Variants in PSME4 observed in about 807,000 individuals in gnomAD.
PSME4 encodes the protein proteasome activator subunit 4, also known as proteasome activator complex subunit 4.
PSME4 carries 89 observed loss-of-function variants against 253.9 expected under a neutral mutation model. That is an observed-to-expected ratio of 0.35 (90% CI 0.30 to 0.42). The LOEUF (loss-of-function observed/expected upper bound fraction) is 0.42. PSME4 is among the 10% of genes least tolerant of loss of function. The pLI, the probability that PSME4 is intolerant of heterozygous loss-of-function variation, is 1.00. For missense variants in PSME4, 2,014 were observed against 2,195.2 expected, an observed-to-expected ratio of 0.92 and a Z score of 1.65; for synonymous variants, 851 against 759.2, an observed-to-expected ratio of 1.12 and a Z score of -1.99.
chr2:53,958,213 G>A (rs868523461), intron 1 of PSME4, among the ~76,000 whole-genome samples: 11 of 150,876 alleles, frequency 7.3e-5, no homozygotes, highest in South Asian at 2.1e-4. Flanking sequence ...AAAATTAGCC[G>A]GGCATGGTGG....
chr2:53,962,519 T>C (rs1670536027), intron 1 of PSME4, among the ~76,000 whole-genome samples: 2 of 152,208 alleles, frequency 1.3e-5, no homozygotes, highest in African/African-American at 4.8e-5. Context: ...TTAAGTGACA[T>C]TCAGATCTCA....
chr2:53,963,697 T>G (rs1365638156), intron 1 of PSME4, among the ~76,000 whole-genome samples: 1 of 152,138 alleles, frequency 6.6e-6, no homozygotes, highest in Non-Finnish European at 1.5e-5. Context: ...CAGTAAACCT[T>G]AGGCAAAAAA....
rs146302334 is a variant in PSME4 at position 53,947,290 on chromosome 2, A to G, written c.500+1131T>C. ...ATAGATTAAATGAATTTAACAAGAC[A>G]TAATGAAATAATGTAGACATGCCTA... On this transcript the variant is annotated intron_variant, in intron 3 of 46. Coordinates refer to ENST00000404125, the MANE Select transcript of PSME4 (RefSeq NM_014614.3). 7.2e-4 allele frequency among the ~76,000 whole-genome samples: 110 copies of G among 152,386 alleles called. No homozygotes were observed. The East Asian group carries it at 0.02, about 28-fold the overall frequency.
chr2:53,914,363 A>C (rs1203879830), intron 20 of PSME4, among the ~76,000 whole-genome samples: 1 of 152,234 alleles, frequency 6.6e-6, no homozygotes, highest in East Asian at 1.9e-4. Flanking sequence ...TAGAATTATG[A>C]GTATAAACTA....
intron 3 of PSME4, among the ~76,000 whole-genome samples, chr2:53,942,784 T>C (rs1033402661): frequency 6.6e-6 from 1 of 152,174 alleles, no homozygotes; most frequent in African/African-American, 2.4e-5. Flanking sequence ...TCTGAGTAGC[T>C]ACTAATTTAT....
chr2:53,939,984 G>A lies in PSME4; in HGVS notation c.517C>T (p.Leu173Phe). The change falls in exon 4 of 47, where the codon CTC becomes TTC. Residue 173 changes from leucine to phenylalanine, a missense_variant. Leu to Phe is a conservative substitution (Grantham distance 22). Coordinates refer to ENST00000404125, the MANE Select transcript of PSME4 (RefSeq NM_014614.3). ...CGGCAGCTTTTCACGAGTGTTTTGAGAATATTTTCTACAGAACTGGGGGGG... is the reference window on the plus strand; with the variant it reads ...CGGCAGCTTTTCACGAGTGTTTTGAAAATATTTTCTACAGAACTGGGGGGG... ...NWFPNSVENILKTLVKSCRPY... is the reference protein window; with the variant it reads ...NWFPNSVENIFKTLVKSCRPY... 3 of 1,592,306 alleles carry A rather than the reference G, an allele frequency of 1.9e-6. No homozygotes were observed. Among genetic ancestry groups the A allele is most frequent in the Non-Finnish European group, 2.6e-6 (3 of 1,164,040 alleles).
chr2:53,939,707 C>A (rs1417112129), intron 4 of PSME4, among the ~76,000 whole-genome samples: 1 of 152,114 alleles, frequency 6.6e-6, no homozygotes, highest in Non-Finnish European at 1.5e-5. Flanking sequence ...GGAAATGCTT[C>A]CAAATAAAGA....
At chr2:53,880,274 C>T (rs560601711) in intron 41 of PSME4, among the ~76,000 whole-genome samples, 3 of 152,142 alleles carry the variant, frequency 2.0e-5, no homozygotes, top group South Asian at 2.1e-4. Flanking sequence ...TGGGCCACTA[C>T]AAGTGAGACC....
In PSME4 at chr2:53,927,427, T is replaced by C; in HGVS notation, c.1560A>G (p.Ser520=). Residue 520 remains serine, a synonymous_variant, in exon 12 of 47, where the codon TCA becomes TCG. Coordinates refer to ENST00000404125, the MANE Select transcript of PSME4 (RefSeq NM_014614.3). ...FSTLVPLVDC[S]SVLQERNDLT... ...GGTCATTTCTTTCTTGTAGTACAGA[T>C]GAACAATCTACTAAAGGCACCAGAG... The C allele has an allele frequency of 6.3e-7, 1 of 1,594,354 alleles. No homozygotes were observed. The highest frequency in any genetic ancestry group is 8.6e-7 in the Non-Finnish European group (1 of 1,162,070).
Position 53,908,437 on chromosome 2 carries a change from A to C in PSME4, c.2686-19T>G, listed in dbSNP as rs775766154. The C allele has an allele frequency of 6.2e-7, 1 of 1,612,682 alleles. No homozygotes were observed. The highest frequency in any genetic ancestry group is 1.1e-5 in the South Asian group (1 of 90,822). ...CAATAATCTGTGTCAAAGAATTTCA[A>C]ATTGTATTTGCAAGTCATCAATCCA... On this transcript the variant is annotated intron_variant, in intron 23 of 46. Transcript: ENST00000404125.
At position 53,919,250 on chromosome 2, in the gene PSME4, G is replaced by GAAAA; in HGVS notation, c.2421-8_2421-5dup. The GAAAA allele has an allele frequency of 1.6e-6, 2 of 1,222,476 alleles. No individual in the cohort carries two copies. Among genetic ancestry groups the GAAAA allele is most frequent in the Admixed American group, 2.8e-5 (1 of 35,170 alleles). 75.7% of individuals were successfully genotyped at this position (1,222,476 alleles called of 1,614,324 possible). On this transcript the variant is annotated splice_polypyrimidine_tract_variant and splice_region_variant and intron_variant, in intron 19 of 46. Coordinates refer to ENST00000404125, the MANE Select transcript of PSME4 (RefSeq NM_014614.3). Reference sequence around the variant, plus strand: ...CAGACTCTGTAGAATATCATCTCTAGAAAAAAAAAAAAGACATTTTCATAT... The same window carrying GAAAA: ...CAGACTCTGTAGAATATCATCTCTAGAAAAAAAAAAAAAAAAGACATTTTCATAT...
chr2:53,866,209 T>A lies in PSME4; in HGVS notation c.5412A>T (p.Lys1804Asn). ...GAGTCCTTCGGAAATTGGATAAGGT[T>A]TTTTTTACAGTCATCTGTAAAGTAG... ...DPQPIEMTVK[K>N]TLSNFRRTHH... Residue 1804 changes from lysine to asparagine, a missense_variant, in exon 46 of 47, where the codon AAA (lysine) becomes AAT (asparagine). Coordinates refer to ENST00000404125, the MANE Select transcript of PSME4 (RefSeq NM_014614.3). 1 of 1,614,012 alleles carries A rather than the reference T, an allele frequency of 6.2e-7. No homozygotes were observed. The highest frequency in any genetic ancestry group is 2.2e-5 in the East Asian group (1 of 44,870).
chr2:53,928,714 T>C (rs1668684496), intron 10 of PSME4, among the ~76,000 whole-genome samples: 1 of 152,202 alleles, frequency 6.6e-6, no homozygotes, highest in African/African-American at 2.4e-5. Context: ...GTTTCAGGTA[T>C]GCACTGGGGG....
At chr2:53,902,271 G>A (rs1680438056) in intron 27 of PSME4, among the ~76,000 whole-genome samples, 1 of 152,172 alleles carries the variant, frequency 6.6e-6, no homozygotes, top group Non-Finnish European at 1.5e-5. Context: ...CCTGGTTGCT[G>A]AGTAATTTAC....
rs118075195 is a variant in PSME4 at position 53,933,922 on chromosome 2, A to T, written c.957+683T>A. The stretch of plus-strand genomic sequence containing the variant: ...AATGGCAAAAACAAGGGGGGGCTTA[A>T]ATTTGTTTTTCTTACAATGAAGTTT... On this transcript the variant is annotated intron_variant, in intron 8 of 46. Coordinates refer to ENST00000404125, the MANE Select transcript of PSME4 (RefSeq NM_014614.3). Among the ~76,000 whole-genome samples, 287 of 152,326 alleles carry T rather than the reference A, an allele frequency of 1.9e-3. 9 individuals are homozygous for T. The East Asian group carries it at 0.046, about 24-fold the overall frequency.
chr2:53,949,468 A>C (rs1481545947), intron 1 of PSME4, among the ~76,000 whole-genome samples, 185 bp from the exon 2 acceptor site: 1 of 147,410 alleles, frequency 6.8e-6, no homozygotes, highest in African/African-American at 2.5e-5. Context: ...TTTTTTTAAC[A>C]TTTCATGGAA....
chr2:53,906,027 T>A (rs72799257), intron 26 of PSME4, among the ~76,000 whole-genome samples: 14,726 of 152,196 alleles, frequency 0.097, 929 homozygotes, highest in East Asian at 0.26. Flanking sequence ...ATTTTGGGTT[T>A]CCAATGCTTA....
At chr2:53,890,566 C>T (rs1230012148) in intron 36 of PSME4, among the ~76,000 whole-genome samples, 1 of 152,192 alleles carries the variant, frequency 6.6e-6, no homozygotes, top group Non-Finnish European at 1.5e-5. Context: ...CTTGGCCTCC[C>T]AAAGTGCTGG....
rs181135563 is a variant in PSME4 at position 53,967,241 on chromosome 2, C to T, written c.242+3302G>A. On this transcript the variant is annotated intron_variant, in intron 1 of 46. Coordinates refer to ENST00000404125, the MANE Select transcript of PSME4 (RefSeq NM_014614.3). ...GTTCTAGTACTTTAAATTGTCTGTA[C>T]AGGAAAGCCTCTATCACATGGCCAA... 4.5e-3 allele frequency among the ~76,000 whole-genome samples: 692 copies of T among 152,250 alleles called. 9 individuals are homozygous for T. Among genetic ancestry groups the T allele is most frequent in the African/African-American group, 0.016 (663 of 41,538 alleles).
Sources: gnomAD v4.1 joint callset for allele counts (sites outside exome capture counted in the v4.1 genomes callset) on GRCh38, gnomAD v4.1.1 for gene constraint, MANE v1.5 for transcripts, NCBI Gene and HGNC (gene_info 2026-07-23, HGNC 2026-07-21) for gene names.